Variants in MTRR observed in about 807,000 individuals in gnomAD.
MTRR encodes the protein methionine synthase reductase.
Under a neutral mutation model 79.2 loss-of-function variants are expected in MTRR, and 63 were observed. That is an observed-to-expected ratio of 0.80 (90% CI 0.65 to 0.98). MTRR has a LOEUF of 0.98. MTRR is among the 50% of genes least tolerant of loss of function. The pLI is 0.00. For missense variants in MTRR, 895 were observed against 839.6 expected, an observed-to-expected ratio of 1.07 and a Z score of -0.82; for synonymous variants, 355 against 313.3, an observed-to-expected ratio of 1.13 and a Z score of -1.41.
At chr5:7,869,387 T>C (rs1209834544) in intron 1 of MTRR, 172 bp downstream of exon 1, 2 of 685,712 alleles carry the variant, frequency 2.9e-6, no homozygotes, top group African/African-American at 3.6e-5. Context: ...ACTTGGCCTT[T>C]GGCCTTTGGC....
At chr5:7,850,903 T>C, upstream of MTRR, 1 of 1,358,028 alleles carries the variant, frequency 7.4e-7, no homozygotes, top group African/African-American at 1.5e-5. Context: ...GTAGCTGTGC[T>C]CTTTGGGGTC....
At chr5:7,866,349 A>G (rs1305937273), upstream of MTRR, among the ~76,000 whole-genome samples, 14 of 151,730 alleles carry the variant, frequency 9.2e-5, no homozygotes, top group Admixed American at 9.2e-4. Flanking sequence ...CTCACTCATC[A>G]AAAGTTCTAA....
intron 7 of MTRR, among the ~76,000 whole-genome samples, chr5:7,886,096 G>A (rs1467464297): frequency 6.6e-6 from 1 of 152,226 alleles, no homozygotes; most frequent in African/African-American, 2.4e-5. Context: ...TTGTGGACAT[G>A]AAAACTGAGT....
Position 7,870,794 on chromosome 5 carries a change from G to C in MTRR, c.-1G>C, listed in dbSNP as rs1375881293. Reference sequence around the variant, plus strand: ...GTTTCACTGTTACATGCCTTGAAGTGATGAGGAGGTTTCTGTTACTATATG... The same window carrying C: ...GTTTCACTGTTACATGCCTTGAAGTCATGAGGAGGTTTCTGTTACTATATG... On this transcript the variant is annotated 5_prime_UTR_variant, in exon 2 of 15. Transcript: ENST00000440940. 6.2e-7 allele frequency: 1 copy of C among 1,614,206 alleles called. No individual in the cohort carries two copies. The highest frequency in any genetic ancestry group is 8.5e-7 in the Non-Finnish European group (1 of 1,180,030).
chr5:7,853,746 C>T (rs1392506694), intron 1 of MTRR, among the ~76,000 whole-genome samples: 1 of 152,182 alleles, frequency 6.6e-6, no homozygotes, highest in Non-Finnish European at 1.5e-5. Context: ...TGGAGGCTCG[C>T]TCCTTCAGTT....
chr5:7,861,465 TGTA>T, intron 1 of MTRR: 1 of 712,142 alleles, frequency 1.4e-6, no homozygotes, highest in Non-Finnish European at 2.1e-6. Context: ...TATTCTGAAA[TGTA>T]GTATTTTAAT....
chr5:7,866,815 T>G (rs1251510041), upstream of MTRR: 7 of 1,614,176 alleles, frequency 4.3e-6, no homozygotes, highest in South Asian at 7.7e-5. Context: ...CAGAGGCATT[T>G]GGTGGCAAAT....
intron 1 of MTRR, among the ~76,000 whole-genome samples, chr5:7,851,826 G>GT (rs1746087976): frequency 6.6e-6 from 1 of 152,088 alleles, no homozygotes; most frequent in African/African-American, 2.4e-5. Flanking sequence ...TTGAAAATGT[G>GT]TTAAGCTGTA....
chr5:7,856,411 A>G (rs1048053657), intron 1 of MTRR, among the ~76,000 whole-genome samples: 1 of 152,246 alleles, frequency 6.6e-6, no homozygotes, highest in African/African-American at 2.4e-5. Context: ...AGTCCTGACC[A>G]GCAAGTTAGC....
At chr5:7,875,773 C>T (rs1042787368) in intron 4 of MTRR, among the ~76,000 whole-genome samples, 14 of 152,264 alleles carry the variant, frequency 9.2e-5, no homozygotes, top group East Asian at 1.9e-4. Context: ...AGCCACACTT[C>T]GCTGTTAGAG....
chr5:7,899,209 C>T (rs775117640), intron 14 of MTRR, among the ~76,000 whole-genome samples: 6 of 152,144 alleles, frequency 3.9e-5, no homozygotes, highest in Non-Finnish European at 7.4e-5. Context: ...ACTTCTAACA[C>T]TGGGAACCAC....
At position 7,885,799 on chromosome 5, in the gene MTRR, A is replaced by T; in HGVS notation, c.1002A>T (p.Glu334Asp). 6.2e-7 allele frequency: 1 copy of T among 1,614,140 alleles called. No homozygotes were observed. The highest frequency in any genetic ancestry group is 8.5e-7 in the Non-Finnish European group (1 of 1,180,016). ...VQSLLQRLQL[E>D]DKREHCVLLK... ...GCCTACTCCAAAGACTGCAGCTTGA[A>T]GATAAAAGAGAGCACTGCGTCCTTT... The change falls in exon 7 of 15, where the codon GAA becomes GAT. Residue 334 changes from glutamate to aspartate, a missense_variant. Physicochemically the swap from Glu to Asp is conservative, Grantham distance 45. Coordinates refer to ENST00000440940, the MANE Select transcript of MTRR (RefSeq NM_002454.3).
At chr5:7,859,470 A>T in intron 1 of MTRR, 1 of 1,607,466 alleles carries the variant, frequency 6.2e-7, no homozygotes, top group East Asian at 2.2e-5. Flanking sequence ...TTTTGAGAAA[A>T]CAGTTTTCTT....
chr5:7,897,661 T>C (rs1268992370), intron 14 of MTRR, among the ~76,000 whole-genome samples: 1 of 152,206 alleles, frequency 6.6e-6, no homozygotes, highest in Non-Finnish European at 1.5e-5. Context: ...ATGTGGATAC[T>C]AGGATTCTTT....
At chr5:7,872,375 T>G (rs1028962505) in intron 2 of MTRR, 6 of 344,166 alleles carry the variant, frequency 1.7e-5, no homozygotes, top group African/African-American at 1.3e-4. Flanking sequence ...AAACTTGATT[T>G]GTAAGAGTTT....
chr5:7,869,209 G>C lies in MTRR; in HGVS notation c.-32G>C, dbSNP rs1747390641. ...GTGCAGGTTCGTGCCCGGCTGGCGC[G>C]GCGTGGGTAAGCTGCCTGTCGGCTA... On this transcript the variant is annotated 5_prime_UTR_variant, in exon 1 of 15. Coordinates refer to ENST00000440940, the MANE Select transcript of MTRR (RefSeq NM_002454.3). 6.2e-7 allele frequency: 1 copy of C among 1,607,424 alleles called. No individual in the cohort carries two copies. The highest frequency in any genetic ancestry group is 8.5e-7 in the Non-Finnish European group (1 of 1,179,792).
Position 7,899,927 on chromosome 5 carries a change from A to G in MTRR, c.1966A>G (p.Met656Val), listed in dbSNP as rs1272597996. The G allele has an allele frequency of 6.2e-7, 1 of 1,614,220 alleles. No individual in the cohort carries two copies. The highest frequency in any genetic ancestry group is 2.2e-5 in the East Asian group (1 of 44,872). ...HIYVCGDAKN[M>V]AKDVHDALVQ... ...TTTCTTTTCTAGAGATGCAAAGAATATGGCCAAGGATGTACATGATGCCCT... is the reference window on the plus strand; with the variant it reads ...TTTCTTTTCTAGAGATGCAAAGAATGTGGCCAAGGATGTACATGATGCCCT... The change falls in exon 15 of 15, where the codon ATG (methionine) becomes GTG (valine). Residue 656 changes from methionine (M) to valine (V), a missense_variant. Coordinates refer to ENST00000440940, the MANE Select transcript of MTRR (RefSeq NM_002454.3).
intron 1 of MTRR, among the ~76,000 whole-genome samples, chr5:7,852,695 A>T (rs895373798): frequency 7.2e-5 from 11 of 151,914 alleles, no homozygotes; most frequent in African/African-American, 2.7e-4. Flanking sequence ...GGCATGACTC[A>T]TACTTTTTTG....
chr5:7,895,484 C>A (rs933980679), intron 11 of MTRR, among the ~76,000 whole-genome samples: 1 of 152,160 alleles, frequency 6.6e-6, no homozygotes, highest in Non-Finnish European at 1.5e-5. Flanking sequence ...TAGAGTTCTA[C>A]CTCAAAGACA....
Sources: allele counts gnomAD v4.1 joint callset (sites outside exome capture counted in the v4.1 genomes callset), GRCh38; gene constraint gnomAD v4.1.1; transcripts MANE v1.5; gene names NCBI Gene and HGNC (gene_info 2026-07-23, HGNC 2026-07-21).